Variants in ZNF487 observed in about 807,000 individuals in gnomAD.
The protein encoded by ZNF487 is zinc finger protein 487.
Under a neutral mutation model 3.0 loss-of-function variants are expected in ZNF487, and 4 were observed. The ratio of observed to expected loss-of-function variants is 1.35; its 90% CI spans 0.66 to 3.08. The LOEUF (loss-of-function observed/expected upper bound fraction) is 3.08, where lower values mean the gene tolerates loss of function less well. Ranked by LOEUF, ZNF487 falls within the 30% of genes most tolerant of loss-of-function variation. The probability of loss-of-function intolerance (pLI) is 0.01; values close to 1 mark genes in which losing one functional copy is unlikely to be tolerated. For synonymous variants in ZNF487, 55 were observed against 34.6 expected (o/e 1.59, Z -2.06); for missense variants, 146 against 98.7 (o/e 1.48, Z -2.03).
intron 1 of ZNF487, among the ~76,000 whole-genome samples, chr10:43,441,755 T>G (rs897993395): frequency 6.6e-5 from 10 of 151,978 alleles, no homozygotes; most frequent in African/African-American, 2.2e-4. Context: ...CTTGGCTGAT[T>G]TTTGTATTTC....
chr10:43,491,560 C>T, the ZNF487 span, among the ~76,000 whole-genome samples: 4 of 151,614 alleles, frequency 2.6e-5, no homozygotes, highest in African/African-American at 9.8e-5. Flanking sequence ...CCTGCCTGCC[C>T]GTTCCACAGA....
the ZNF487 span, among the ~76,000 whole-genome samples, chr10:43,520,921 G>A: frequency 6.6e-6 from 1 of 152,322 alleles, no homozygotes; most frequent in East Asian, 1.9e-4. Flanking sequence ...CCATTTGTCA[G>A]ATCTGGTCTG....
chr10:43,498,092 TATATA>T, the ZNF487 span, among the ~76,000 whole-genome samples: 12 of 21,242 alleles, frequency 5.6e-4, no homozygotes, highest in Admixed American at 1.5e-3. Flanking sequence ...TATATATATA[TATATA>T]TATTTTTTTT....
At chr10:43,490,623 C>T in the ZNF487 span, among the ~76,000 whole-genome samples, 1 of 148,030 alleles carries the variant, frequency 6.8e-6, no homozygotes. Flanking sequence ...TGTTCTCCTG[C>T]CTCAGCCTCC....
Position 43,464,382 on chromosome 10 carries a change from AT to A in ZNF487, c.-93-11330del, listed in dbSNP as rs1198989759. 1.1e-4 allele frequency among the ~76,000 whole-genome samples: 16 copies of A among 149,944 alleles called. No homozygotes were observed. In the South Asian group the frequency reaches 1.9e-3, roughly 18 times the overall value. Reference sequence around the variant, plus strand: ...TATTTTTATTTTATTTATTATTATTATTTTTTTTTATTGATCATTCTTGGGT... The same window carrying A: ...TATTTTTATTTTATTTATTATTATTATTTTTTTTATTGATCATTCTTGGGT... On this transcript the variant is annotated intron_variant, in intron 1 of 3. Transcript: ENST00000437590.
At chr10:43,466,722 A>G (rs1196667564) in intron 1 of ZNF487, among the ~76,000 whole-genome samples, 1 of 152,190 alleles carries the variant, frequency 6.6e-6, no homozygotes, top group Non-Finnish European at 1.5e-5. Flanking sequence ...TATTTTAAAC[A>G]AATTATTGAG....
intron 1 of ZNF487, among the ~76,000 whole-genome samples, chr10:43,474,789 G>T (rs771934003): frequency 7.2e-5 from 11 of 151,904 alleles, no homozygotes; most frequent in Non-Finnish European, 1.6e-4. Context: ...CACCACATTG[G>T]CCAGGCTGGT....
At chr10:43,449,253 T>G (rs1265476226) in intron 1 of ZNF487, among the ~76,000 whole-genome samples, 1 of 151,892 alleles carries the variant, frequency 6.6e-6, no homozygotes. Context: ...GAGCCAAGAT[T>G]GTGCCACTGC....
rs1228268144 is a variant in ZNF487, at chr10:43,447,012, C to T, written c.-94+9750C>T. Reference sequence around the variant, plus strand: ...CTGGAGACCAGCCTGGCCAACACGGCGAAACCCCGTCTCCACCAAAAAAAA... The same window carrying T: ...CTGGAGACCAGCCTGGCCAACACGGTGAAACCCCGTCTCCACCAAAAAAAA... On this transcript the variant is annotated intron_variant, in intron 1 of 3. Transcript: ENST00000437590. Among the ~76,000 whole-genome samples the T allele has an allele frequency of 9.9e-5, 15 of 151,706 alleles. No homozygotes were observed. In the East Asian group the frequency reaches 1.4e-3, roughly 14 times the overall value.
At chr10:43,520,090 C>T in the ZNF487 span, among the ~76,000 whole-genome samples, 1 of 152,146 alleles carries the variant, frequency 6.6e-6, no homozygotes, top group Admixed American at 6.6e-5. Context: ...TATCCATTAG[C>T]TGCATTATTC....
downstream of ZNF487, among the ~76,000 whole-genome samples, chr10:43,486,769 A>G (rs1229259295): frequency 6.6e-6 from 1 of 152,202 alleles, no homozygotes; most frequent in Non-Finnish European, 1.5e-5. Context: ...GTTATAGAAA[A>G]CTATTAAGAG....
the ZNF487 span, among the ~76,000 whole-genome samples, chr10:43,520,744 C>T: frequency 2.5e-4 from 38 of 152,154 alleles, no homozygotes; most frequent in Admixed American, 1.1e-3. Flanking sequence ...AGGCATCCAG[C>T]TGCTGAGTAG....
At chr10:43,465,022 ACGGGGCGGC>A (rs1840620059) in intron 1 of ZNF487, among the ~76,000 whole-genome samples, 2 of 132,854 alleles carry the variant, frequency 1.5e-5, no homozygotes, top group Admixed American at 7.2e-5. Flanking sequence ...TCCCTCCCGG[ACGGGGCGGC>A]TGGCCGGGCG....
intron 1 of ZNF487, among the ~76,000 whole-genome samples, chr10:43,444,657 C>T (rs922994185): frequency 6.6e-6 from 1 of 152,148 alleles, no homozygotes; most frequent in African/African-American, 2.4e-5. Flanking sequence ...GCAACCTCTG[C>T]CTCCGGGCTC....
chr10:43,446,109 CTCTT>C (rs1839786859), intron 1 of ZNF487, among the ~76,000 whole-genome samples: 1 of 152,264 alleles, frequency 6.6e-6, no homozygotes, highest in Admixed American at 6.5e-5. Context: ...AATCTGATCT[CTCTT>C]TCTTTGCCCC....
intron 1 of ZNF487, among the ~76,000 whole-genome samples, chr10:43,442,291 C>T (rs560554711): frequency 1.3e-5 from 2 of 151,662 alleles, no homozygotes; most frequent in African/African-American, 4.8e-5. Flanking sequence ...AAGAAAAAAA[C>T]TCTTGCTGTG....
chr10:43,491,586 A>G, the ZNF487 span, among the ~76,000 whole-genome samples: 2 of 151,560 alleles, frequency 1.3e-5, 1 homozygote, highest in Non-Finnish European at 2.9e-5. Context: ...CGAGCACAAC[A>G]TGTCCGAGAC....
the ZNF487 span, among the ~76,000 whole-genome samples, chr10:43,518,992 TTCA>T: frequency 1.3e-5 from 2 of 152,212 alleles, no homozygotes; most frequent in African/African-American, 4.8e-5. Context: ...AAATTTTCAC[TTCA>T]TATTTTTAAT....
chr10:43,477,511 T>A (rs1841145194), intron 3 of ZNF487, among the ~76,000 whole-genome samples: 1 of 152,034 alleles, frequency 6.6e-6, no homozygotes, highest in Non-Finnish European at 1.5e-5. Flanking sequence ...TTCCTTTCAT[T>A]GTTAAGACGA....
Sources: allele counts gnomAD v4.1 joint callset (sites outside exome capture counted in the v4.1 genomes callset), GRCh38; gene constraint gnomAD v4.1.1; transcripts MANE v1.5; gene names NCBI Gene and HGNC (gene_info 2026-07-23, HGNC 2026-07-21).